Variants in TENM2 observed in about 807,000 individuals in gnomAD.
TENM2 encodes teneurin transmembrane protein 2, also known as teneurin-2.
In TENM2, 52 loss-of-function variants were observed where a neutral mutation model predicts 245.2. The observed-to-expected ratio is 0.21, with a 90% CI of 0.17 to 0.27. The LOEUF is 0.27. Ranked by LOEUF, TENM2 falls within the 10% of genes least tolerant of loss-of-function variation. TENM2 has a pLI of 1.00. For missense variants in TENM2, 3,046 were observed against 3,666.8 expected (o/e 0.83, Z 4.37); for synonymous variants, 1,363 against 1,438.9 (o/e 0.95, Z 1.19).
the TENM2 span, among the ~76,000 whole-genome samples, chr5:167,036,882 T>C: frequency 6.6e-6 from 1 of 152,236 alleles, no homozygotes; most frequent in African/African-American, 2.4e-5. Flanking sequence ...TCTTATGATC[T>C]CTTACCAGTT....
chr5:167,130,355 A>G, the TENM2 span, among the ~76,000 whole-genome samples: 1 of 152,212 alleles, frequency 6.6e-6, no homozygotes, highest in Non-Finnish European at 1.5e-5. Context: ...ACTAACACAT[A>G]TAGTGTTGAC....
intron 5 of TENM2, among the ~76,000 whole-genome samples, chr5:168,000,765 G>T (rs1428188461): frequency 6.6e-6 from 1 of 152,194 alleles, no homozygotes; most frequent in African/African-American, 2.4e-5. Context: ...AGGTAGGTCC[G>T]TGGTCACAAA....
intron 1 of TENM2, among the ~76,000 whole-genome samples, chr5:167,304,856 C>T (rs1249711331): frequency 6.6e-6 from 1 of 152,154 alleles, no homozygotes. Flanking sequence ...GTTCAGATTT[C>T]AGAAAGTGCA....
intron 1 of TENM2, among the ~76,000 whole-genome samples, chr5:167,349,543 A>T (rs1184727509): frequency 6.6e-6 from 1 of 152,192 alleles, no homozygotes. Flanking sequence ...GTGCATGTAT[A>T]TATAGATACA....
chr5:167,278,970 T>G, the TENM2 span, among the ~76,000 whole-genome samples: 13,786 of 152,286 alleles, frequency 0.091, 807 homozygotes, highest in East Asian at 0.19. Flanking sequence ...AGGTCTACTG[T>G]TGACCAAGTC....
chr5:167,769,450 C>T (rs942858896), intron 2 of TENM2, among the ~76,000 whole-genome samples: 1 of 152,204 alleles, frequency 6.6e-6, no homozygotes, highest in African/African-American at 2.4e-5. Flanking sequence ...TGTATGTTAA[C>T]ATCACAGAAA....
intron 3 of TENM2, among the ~76,000 whole-genome samples, chr5:167,905,641 T>C (rs1194464638): frequency 6.6e-6 from 1 of 152,170 alleles, no homozygotes; most frequent in Non-Finnish European, 1.5e-5. Context: ...TCTTTACAAA[T>C]AGGAGAATTT....
At chr5:167,223,004 G>T in the TENM2 span, among the ~76,000 whole-genome samples, 1 of 152,130 alleles carries the variant, frequency 6.6e-6, no homozygotes, top group Non-Finnish European at 1.5e-5. Flanking sequence ...ATTAGGAAGA[G>T]AATAGTCTTT....
intron 2 of TENM2, among the ~76,000 whole-genome samples, chr5:167,640,739 C>G (rs1395351722): frequency 6.7e-6 from 1 of 149,234 alleles, no homozygotes; most frequent in Non-Finnish European, 1.5e-5. Context: ...TTGTTACGTA[C>G]ACTTTTAAAT....
intron 2 of TENM2, among the ~76,000 whole-genome samples, chr5:167,490,340 C>T (rs1768350378): frequency 6.6e-6 from 1 of 152,012 alleles, no homozygotes; most frequent in African/African-American, 2.4e-5. Flanking sequence ...TTTTTAACAT[C>T]TTATATAATC....
chr5:167,055,970 C>T, the TENM2 span, among the ~76,000 whole-genome samples: 1 of 151,896 alleles, frequency 6.6e-6, no homozygotes, highest in Non-Finnish European at 1.5e-5. Context: ...TGAGAGGGGA[C>T]GTTCTTGCCT....
chr5:167,558,511 C>T (rs1773392483), intron 2 of TENM2, among the ~76,000 whole-genome samples: 1 of 152,178 alleles, frequency 6.6e-6, no homozygotes, highest in Admixed American at 6.5e-5. Flanking sequence ...AAGCTGAGCT[C>T]CACCTCCTGT....
intron 2 of TENM2, among the ~76,000 whole-genome samples, chr5:167,817,835 T>C (rs1197989211): frequency 2.0e-5 from 3 of 152,186 alleles, no homozygotes; most frequent in Non-Finnish European, 4.4e-5. Context: ...CAGTCTTGTG[T>C]GTTCCAGCCC....
chr5:167,651,282 A>G (rs1049703257), intron 2 of TENM2, among the ~76,000 whole-genome samples: 13 of 152,050 alleles, frequency 8.5e-5, no homozygotes, highest in African/African-American at 3.1e-4. Flanking sequence ...GGTAAGTGAT[A>G]CTCAACCTCA....
chr5:168,237,616 C>T (rs959969044), intron 25 of TENM2, among the ~76,000 whole-genome samples: 6 of 152,090 alleles, frequency 3.9e-5, no homozygotes, highest in African/African-American at 1.4e-4. Flanking sequence ...TCGGGTCTTT[C>T]CACCTGACCT....
chr5:168,027,376 T>G (rs868750626), intron 5 of TENM2, among the ~76,000 whole-genome samples: 46 of 152,186 alleles, frequency 3.0e-4, no homozygotes, highest in Admixed American at 9.2e-4. Context: ...GCTTTTTGTT[T>G]CTCTAACACT....
intron 2 of TENM2, among the ~76,000 whole-genome samples, chr5:167,415,737 T>C (rs1044749551): frequency 2.0e-5 from 3 of 152,104 alleles, no homozygotes; most frequent in African/African-American, 7.2e-5. Flanking sequence ...CCTTTACCAG[T>C]AATCTCACCC....
intron 2 of TENM2, among the ~76,000 whole-genome samples, chr5:167,624,603 C>A (rs189063963): frequency 6.6e-6 from 1 of 152,220 alleles, no homozygotes; most frequent in East Asian, 1.9e-4. Flanking sequence ...GTTTTATTTG[C>A]CAATATTTAC....
intron 3 of TENM2, among the ~76,000 whole-genome samples, chr5:167,889,595 T>G (rs1774581101): frequency 6.6e-6 from 1 of 152,196 alleles, no homozygotes; most frequent in South Asian, 2.1e-4. Context: ...TCGCTCTTCC[T>G]GTAGTAACCA....
Sources: gnomAD v4.1 joint callset for allele counts (sites outside exome capture counted in the v4.1 genomes callset) on GRCh38, gnomAD v4.1.1 for gene constraint, MANE v1.5 for transcripts, NCBI Gene and HGNC (gene_info 2026-07-23, HGNC 2026-07-21) for gene names.